LRRC4C: variants seen among roughly 807,000 people sequenced by gnomAD.
The protein encoded by LRRC4C is leucine rich repeat containing 4C.
LRRC4C carries 5 observed loss-of-function variants against 33.6 expected under a neutral mutation model. That is an observed-to-expected ratio of 0.15 (90% CI 0.08 to 0.31). The LOEUF (loss-of-function observed/expected upper bound fraction) is 0.31. Ranked by LOEUF, LRRC4C falls within the 10% of genes least tolerant of loss-of-function variation. The pLI, the probability that LRRC4C is intolerant of heterozygous loss-of-function variation, is 1.00. For synonymous variants in LRRC4C, 329 were observed against 302.0 expected, an observed-to-expected ratio of 1.09 and a Z score of -0.93; for missense variants, 560 against 796.7, an observed-to-expected ratio of 0.70 and a Z score of 3.58.
rs182893596 is a variant in LRRC4C, at chr11:41,210,502, C to T, written c.-496+248929G>A. On this transcript the variant is annotated intron_variant, in intron 1 of 6. Transcript: ENST00000528697. Reference sequence around the variant, plus strand: ...ACACTGAACTGTGAGTCCATTAAACCTCTTTTTCTTTATAAATTACCCAGT... The same window carrying T: ...ACACTGAACTGTGAGTCCATTAAACTTCTTTTTCTTTATAAATTACCCAGT... Among the ~76,000 whole-genome samples the T allele has an allele frequency of 2.9e-3, 447 of 152,250 alleles. 2 individuals are homozygous for T. The highest frequency in any genetic ancestry group is 0.01 in the African/African-American group (417 of 41,538).
chr11:41,158,032 C>A (rs924178945), intron 1 of LRRC4C, among the ~76,000 whole-genome samples: 1 of 151,966 alleles, frequency 6.6e-6, no homozygotes, highest in African/African-American at 2.4e-5. Flanking sequence ...TGCCTGTTGA[C>A]CATCCCCAAT....
intron 1 of LRRC4C, among the ~76,000 whole-genome samples, chr11:41,125,749 A>T (rs940013163): frequency 1.3e-5 from 2 of 152,180 alleles, no homozygotes; most frequent in African/African-American, 4.8e-5. Context: ...AGTTCAACCC[A>T]CAGCAAGGAC....
chr11:40,408,896 T>C (rs1190431239), intron 3 of LRRC4C, among the ~76,000 whole-genome samples: 2 of 151,810 alleles, frequency 1.3e-5, no homozygotes, highest in Non-Finnish European at 2.9e-5. Flanking sequence ...TTCACAGAAA[T>C]AGAAAAAACA....
At chr11:40,590,245 T>C (rs1354500980) in intron 3 of LRRC4C, among the ~76,000 whole-genome samples, 2 of 151,878 alleles carry the variant, frequency 1.3e-5, no homozygotes, top group African/African-American at 2.4e-5. Context: ...CCATTGCTGA[T>C]ACCCTTTCTT....
intron 1 of LRRC4C, among the ~76,000 whole-genome samples, chr11:41,178,151 G>A (rs1945285591): frequency 2.0e-5 from 3 of 152,146 alleles, no homozygotes; most frequent in Admixed American, 1.3e-4. Context: ...ACATTGTCTA[G>A]ATATAATCCA....
At chr11:40,278,610 T>C (rs1186823558) in intron 4 of LRRC4C, among the ~76,000 whole-genome samples, 1 of 152,134 alleles carries the variant, frequency 6.6e-6, no homozygotes, top group Non-Finnish European at 1.5e-5. Context: ...CACTGAAAAA[T>C]TGATCACTAC....
chr11:40,479,746 T>C (rs2138388968), intron 3 of LRRC4C, among the ~76,000 whole-genome samples: 1 of 152,218 alleles, frequency 6.6e-6, no homozygotes, highest in African/African-American at 2.4e-5. Flanking sequence ...GTTTGTTTTC[T>C]TGCAAGATTT....
intron 1 of LRRC4C, among the ~76,000 whole-genome samples, chr11:40,995,576 C>T (rs1853910861): frequency 1.3e-5 from 2 of 152,212 alleles, no homozygotes; most frequent in South Asian, 2.1e-4. Flanking sequence ...AACATATTTC[C>T]AAACTTTCTT....
chr11:41,181,250 C>A (rs1945436892), intron 1 of LRRC4C, among the ~76,000 whole-genome samples: 1 of 152,100 alleles, frequency 6.6e-6, no homozygotes, highest in African/African-American at 2.4e-5. Flanking sequence ...TTACACACAA[C>A]TTTACCAAAA....
chr11:40,790,856 T>C lies in LRRC4C; in HGVS notation c.-406-142578A>G, dbSNP rs142386011. On this transcript the variant is annotated intron_variant, in intron 2 of 6. Transcript: ENST00000528697. ...TCCTGTGAAAATTAATCATAATGGA[T>C]CTTAAAAATATTTTTGTTTCTCTCT... Among the ~76,000 whole-genome samples the C allele has an allele frequency of 4.8e-3, 734 of 152,268 alleles. 2 individuals carry two copies. Among genetic ancestry groups the C allele is most frequent in the African/African-American group, 0.015 (628 of 41,554 alleles).
At chr11:40,712,696 G>A (rs1386261469) in intron 2 of LRRC4C, among the ~76,000 whole-genome samples, 2 of 151,934 alleles carry the variant, frequency 1.3e-5, no homozygotes, top group South Asian at 2.1e-4. Flanking sequence ...ACTGTCTCAG[G>A]ACCACCTTAA....
intron 2 of LRRC4C, among the ~76,000 whole-genome samples, chr11:40,680,289 C>A (rs181410942): frequency 6.6e-6 from 1 of 152,176 alleles, no homozygotes; most frequent in East Asian, 1.9e-4. Flanking sequence ...AGGTATTCAC[C>A]TTGTCTTGGA....
At chr11:41,235,843 A>T (rs2136501227) in intron 1 of LRRC4C, among the ~76,000 whole-genome samples, 1 of 152,240 alleles carries the variant, frequency 6.6e-6, no homozygotes, top group Non-Finnish European at 1.5e-5. Context: ...GGCATCTTTT[A>T]TACTTTCAAT....
At position 41,347,163 on chromosome 11, in the gene LRRC4C, T is replaced by C. The variant is rs1315650780; in HGVS notation, c.-496+112268A>G. On this transcript the variant is annotated intron_variant, in intron 1 of 6. Transcript: ENST00000528697. ...CACGTTATGGTAGTACACATGGCAT[T>C]GCAGGGTCCATCAGAGGAAACTCTC... Among the ~76,000 whole-genome samples, 13 of 152,332 alleles carry C rather than the reference T, an allele frequency of 8.5e-5. No homozygotes were observed. In the East Asian group the frequency reaches 2.5e-3, roughly 29 times the overall value.
intron 2 of LRRC4C, among the ~76,000 whole-genome samples, chr11:40,692,166 G>C (rs1291404132): frequency 6.6e-6 from 1 of 151,980 alleles, no homozygotes; most frequent in East Asian, 1.9e-4. Context: ...ATGAACCCGA[G>C]AGAGATCAGC....
rs563971604 is a variant in LRRC4C at position 40,947,533 on chromosome 11, T to C, written c.-495-13810A>G. 2.6e-5 allele frequency among the ~76,000 whole-genome samples: 4 copies of C among 152,236 alleles called. No homozygotes were observed. The South Asian group carries it at 8.3e-4, about 32-fold the overall frequency. On this transcript the variant is annotated intron_variant, in intron 1 of 6. Transcript: ENST00000528697. The stretch of plus-strand genomic sequence containing the variant: ...CTACTCCAGCTGGTGGGAATAGGAA[T>C]TCTTCCTAACCAAAGAGTGAGTGTA...
At chr11:40,395,545 T>C (rs2137491937) in intron 3 of LRRC4C, among the ~76,000 whole-genome samples, 1 of 152,294 alleles carries the variant, frequency 6.6e-6, no homozygotes, top group South Asian at 2.1e-4. Context: ...ATCAAAGAAC[T>C]GTTCTGGAGT....
chr11:40,255,477 TAA>T (rs2136213186), intron 4 of LRRC4C, among the ~76,000 whole-genome samples: 1 of 152,342 alleles, frequency 6.6e-6, no homozygotes, highest in South Asian at 2.1e-4. Flanking sequence ...TCAGGATACA[TAA>T]AGTCTACCCA....
At chr11:41,304,725 T>C (rs1287905125) in intron 1 of LRRC4C, among the ~76,000 whole-genome samples, 1 of 23,164 alleles carries the variant, frequency 4.3e-5, no homozygotes, top group Non-Finnish European at 8.1e-5. Flanking sequence ...GAGGTGGGGG[T>C]ATCAGCCCCC....
Sources: allele counts gnomAD v4.1 joint callset (sites outside exome capture counted in the v4.1 genomes callset), GRCh38; gene constraint gnomAD v4.1.1; transcripts MANE v1.5; gene names NCBI Gene and HGNC (gene_info 2026-07-23, HGNC 2026-07-21).